The following SLC4A5 variants were observed in gnomAD, a reference collection of about 807,000 sequenced individuals.
SLC4A5 encodes the protein electrogenic sodium bicarbonate cotransporter 4.
A neutral mutation model predicts 120.4 loss-of-function variants in SLC4A5; 96 were observed. That is an observed-to-expected ratio of 0.80 (90% CI 0.68 to 0.94). The LOEUF is 0.94. Among genes scored for constraint, SLC4A5 ranks in the 40% least tolerant of loss-of-function variants. The probability of loss-of-function intolerance (pLI) is 0.00; values close to 1 mark genes in which losing one functional copy is unlikely to be tolerated. For synonymous variants in SLC4A5, 550 were observed against 571.1 expected (o/e 0.96, Z 0.53); for missense variants, 1,259 against 1,459.5 (o/e 0.86, Z 2.24).
At chr2:74,303,046 GCA>G (rs374161136) in intron 7 of SLC4A5, among the ~76,000 whole-genome samples, 4 of 147,214 alleles carry the variant, frequency 2.7e-5, no homozygotes, top group East Asian at 4.2e-4. Context: ...GTGTGTGTGT[GCA>G]TGTGGAAGTG....
intron 3 of SLC4A5, among the ~76,000 whole-genome samples, chr2:74,336,215 G>A (rs1173041231): frequency 1.3e-5 from 2 of 152,042 alleles, no homozygotes; most frequent in Admixed American, 6.6e-5. Flanking sequence ...CTATAGGCAG[G>A]TGCCACACCA....
rs1671265722 is a variant in SLC4A5, at chr2:74,265,216, GCT to G, written c.448_449del (p.Ser150GlnfsTer39). ...GGGATAGTGTGGACACGTGGGGCTTGCTCCAGCGTTCGCCGCCTTCCTCTACC... is the reference window on the plus strand; with the variant it reads ...GGGATAGTGTGGACACGTGGGGCTTGCCAGCGTTCGCCGCCTTCCTCTACC... On this transcript the variant is annotated frameshift_variant, in exon 9 of 31. Transcript: ENST00000394019. LOFTEE classifies it high-confidence loss of function. 1 of 1,614,124 alleles carries G rather than the reference GCT, an allele frequency of 6.2e-7. No individual in the cohort carries two copies. The highest frequency in any genetic ancestry group is 1.1e-5 in the South Asian group (1 of 91,090).
At chr2:74,254,817 ATT>A (rs376191179) in intron 13 of SLC4A5, 111 bp from the exon 14 acceptor site, 17,600 of 579,368 alleles carry the variant, frequency 0.03, no homozygotes, top group South Asian at 0.039. Context: ...AACAGTATGC[ATT>A]TTTTTTTTTT....
chr2:74,313,337 A>C (rs1047235498), intron 6 of SLC4A5, among the ~76,000 whole-genome samples: 7 of 152,160 alleles, frequency 4.6e-5, no homozygotes, highest in African/African-American at 1.4e-4. Context: ...ATAACGCTAT[A>C]CTGTTTCTCA....
At position 74,247,320 on chromosome 2, in the gene SLC4A5, G is replaced by C. The variant is rs773541872; in HGVS notation, c.1788-13C>G. The C allele has an allele frequency of 1.9e-6, 3 of 1,605,514 alleles. No homozygotes were observed. Among genetic ancestry groups the C allele is most frequent in the Non-Finnish European group, 2.6e-6 (3 of 1,175,130 alleles). ...CAGGCCATTGCCTCTGGAAGGCAGA[G>C]GGGAGGTGAGGGGCCTCCAGCCCAG... On this transcript the variant is annotated splice_polypyrimidine_tract_variant and intron_variant, in intron 18 of 30. Transcript: ENST00000394019.
intron 25 of SLC4A5, among the ~76,000 whole-genome samples, chr2:74,229,104 CT>C (rs55689286): frequency 1.0e-5 from 1 of 98,586 alleles, no homozygotes; most frequent in African/African-American, 4.5e-5. Flanking sequence ...TAGATTTGAG[CT>C]TTTTTTTTTT....
At chr2:74,217,579 T>C (rs1483756800) in exon 31 of SLC4A5, 1 of 152,234 alleles carries the variant, frequency 6.6e-6, no homozygotes, top group Non-Finnish European at 1.5e-5. Flanking sequence ...AAATGTATCA[T>C]GAAATGTGAT....
intron 8 of SLC4A5, among the ~76,000 whole-genome samples, chr2:74,272,540 G>A (rs539156564): frequency 8.5e-5 from 13 of 152,274 alleles, no homozygotes; most frequent in South Asian, 8.3e-4. Flanking sequence ...AAATCTCCAC[G>A]TTCTCCTTCA....
At chr2:74,235,455 A>C (rs1670239941) in intron 21 of SLC4A5, among the ~76,000 whole-genome samples, 1 of 152,100 alleles carries the variant, frequency 6.6e-6, no homozygotes, top group African/African-American at 2.4e-5. Context: ...ATCTCCCTCA[A>C]AGGTGTAAGT....
chr2:74,297,227 T>G (rs888472104), intron 7 of SLC4A5, among the ~76,000 whole-genome samples: 3 of 152,328 alleles, frequency 2.0e-5, no homozygotes, highest in South Asian at 2.1e-4. Context: ...ATTGGGTTAA[T>G]GTGTATAAAG....
At chr2:74,256,760 T>C (rs1670977263) in intron 12 of SLC4A5, among the ~76,000 whole-genome samples, 1 of 152,180 alleles carries the variant, frequency 6.6e-6, no homozygotes, top group Admixed American at 6.5e-5. Flanking sequence ...CTTAACGTCT[T>C]AGAATGAATT....
exon 31 of SLC4A5, chr2:74,218,412 T>C (rs1282073171): frequency 2.0e-5 from 3 of 152,228 alleles, no homozygotes; most frequent in African/African-American, 7.2e-5. Context: ...CATTTTAAAA[T>C]AAAATATAAT....
chr2:74,333,791 C>A (rs562040696), intron 4 of SLC4A5, among the ~76,000 whole-genome samples: 1 of 152,300 alleles, frequency 6.6e-6, no homozygotes, highest in South Asian at 2.1e-4. Flanking sequence ...CATCTCCTGG[C>A]TAAATGCCAT....
chr2:74,305,970 C>T (rs377738300), intron 6 of SLC4A5, among the ~76,000 whole-genome samples: 36 of 152,228 alleles, frequency 2.4e-4, no homozygotes, highest in African/African-American at 7.5e-4. Context: ...GTGATCCACC[C>T]GCCTTGGCCT....
chr2:74,218,415 A>C (rs1439407630), exon 31 of SLC4A5: 1 of 152,250 alleles, frequency 6.6e-6, no homozygotes, highest in Non-Finnish European at 1.5e-5. Context: ...TTTAAAATAA[A>C]ATATAATATT....
chr2:74,323,944 T>C (rs1380393133), intron 5 of SLC4A5, among the ~76,000 whole-genome samples: 1 of 152,206 alleles, frequency 6.6e-6, no homozygotes, highest in Non-Finnish European at 1.5e-5. Context: ...GAATTCCTAG[T>C]GGTTATCTTT....
At chr2:74,336,511 A>G (rs894436460) in intron 3 of SLC4A5, among the ~76,000 whole-genome samples, 5 of 152,222 alleles carry the variant, frequency 3.3e-5, no homozygotes, top group Admixed American at 2.6e-4. Flanking sequence ...CCATAGGTTT[A>G]TGATGAGTAT....
intron 6 of SLC4A5, among the ~76,000 whole-genome samples, chr2:74,311,244 G>A (rs887488699): frequency 6.6e-6 from 1 of 151,910 alleles, no homozygotes; most frequent in African/African-American, 2.4e-5. Flanking sequence ...ATCTTTTTAA[G>A]AGATAGCTTC....
rs558719063 is a variant in SLC4A5 at position 74,322,842 on chromosome 2, G to T, written c.-3+5278C>A. The stretch of plus-strand genomic sequence containing the variant: ...TTTAGAACAGTGACTATGAAGAAAA[G>T]AAAGATCCCAAAAACTTCTAGAGTA... On this transcript the variant is annotated intron_variant, in intron 5 of 30. Coordinates refer to ENST00000394019, the Ensembl canonical transcript of SLC4A5. 4.0e-3 allele frequency among the ~76,000 whole-genome samples: 608 copies of T among 152,236 alleles called. 4 individuals carry two copies. Among genetic ancestry groups the T allele is most frequent in the South Asian group, 8.5e-3 (41 of 4,816 alleles).
Sources: gnomAD v4.1 joint callset for allele counts (sites outside exome capture counted in the v4.1 genomes callset) on GRCh38, gnomAD v4.1.1 for gene constraint, MANE v1.5 for transcripts, NCBI Gene and HGNC (gene_info 2026-07-23, HGNC 2026-07-21) for gene names.